Variants in EGFL6 observed in about 807,000 individuals in gnomAD.
The protein encoded by EGFL6 is EGF like domain multiple 6.
A neutral mutation model predicts 43.1 loss-of-function variants in EGFL6; 42 were observed. The observed-to-expected ratio is 0.98, with a 90% CI of 0.76 to 1.26. The LOEUF is 1.26. EGFL6 is among the 50% of genes most tolerant of loss of function. The pLI is 0.00. For synonymous variants in EGFL6, 164 were observed against 163.2 expected (o/e 1.01, Z -0.04); for missense variants, 429 against 427.8 (o/e 1.00, Z -0.02).
At chrX:13,616,858 C>CG (rs2045720841) in intron 7 of EGFL6, among the ~76,000 whole-genome samples, 1 of 97,416 alleles carries the variant, frequency 1.0e-5, no homozygotes. Flanking sequence ...TCTAGAGGTA[C>CG]ATTTTTTTTT....
At chrX:13,596,421 A>C (rs1248633678) in intron 3 of EGFL6, 1 of 112,082 alleles carries the variant, frequency 8.9e-6, no homozygotes, top group African/African-American at 3.2e-5. Context: ...ACCTTCAGTC[A>C]AGGGTATATT....
chrX:13,617,027 G>A (rs908892815), intron 7 of EGFL6, among the ~76,000 whole-genome samples: 6 of 105,746 alleles, frequency 5.7e-5, no homozygotes, highest in African/African-American at 1.1e-4. Flanking sequence ...CCGCCACCGC[G>A]CCCGGCTAAT....
intron 1 of EGFL6, among the ~76,000 whole-genome samples, chrX:13,587,462 G>A (rs2045539802): frequency 9.0e-6 from 1 of 111,333 alleles, no homozygotes; most frequent in African/African-American, 3.3e-5. Flanking sequence ...CAAATACCTT[G>A]AGTATTTACC....
chrX:13,632,503 T>G (rs1248239325), intron 11 of EGFL6, among the ~76,000 whole-genome samples: 46 of 108,454 alleles, frequency 4.2e-4, no homozygotes, highest in African/African-American at 1.5e-3. Flanking sequence ...GGGGTTTCAC[T>G]GTGTGTTAGC....
At chrX:13,623,647 T>G (rs2045762533) in intron 9 of EGFL6, among the ~76,000 whole-genome samples, 177 bp from the exon 10 acceptor site, 1 of 109,324 alleles carries the variant, frequency 9.1e-6, no homozygotes, top group African/African-American at 3.3e-5. Context: ...TTTTTGTTTT[T>G]TTAAGATCAC....
chrX:13,594,738 T>C, intron 2 of EGFL6, 98 bp from the exon 3 acceptor site: 1 of 682,355 alleles, frequency 1.5e-6, no homozygotes, highest in Non-Finnish European at 2.3e-6. Flanking sequence ...TATGTCCCCA[T>C]GGAGTTCTCT....
At chrX:13,612,459 A>G (rs59221471) in intron 7 of EGFL6, among the ~76,000 whole-genome samples, 3,007 of 109,337 alleles carry the variant, frequency 0.028, 114 homozygotes, top group African/African-American at 0.095. Flanking sequence ...CTACACAGAC[A>G]CAGTAACAAT....
chrX:13,601,956 C>A (rs191094345), intron 4 of EGFL6, among the ~76,000 whole-genome samples: 195 of 111,848 alleles, frequency 1.7e-3, no homozygotes, highest in African/African-American at 6.2e-3. Flanking sequence ...AAAAAGATAT[C>A]TTTCCTCAAA....
At chrX:13,621,587 G>A (rs2045748753) in intron 9 of EGFL6, among the ~76,000 whole-genome samples, 1 of 111,881 alleles carries the variant, frequency 8.9e-6, no homozygotes, top group Non-Finnish European at 1.9e-5. Flanking sequence ...GCAAGGAAAT[G>A]GAGGTATCTA....
At position 13,626,948 on chromosome X, in the gene EGFL6, A is replaced by G. The variant is rs900288881; in HGVS notation, c.1286-63A>G. The stretch of plus-strand genomic sequence containing the variant: ...GTTTACTTTTTATAGCTTTTTTTAT[A>G]CATTAAAGCCAAACTCCTTACAATT... On this transcript the variant is annotated intron_variant, in intron 10 of 11. Coordinates refer to ENST00000361306, the MANE Select transcript of EGFL6 (RefSeq NM_015507.4). The G allele has an allele frequency of 2.7e-6, 3 of 1,116,095 alleles. No homozygotes were observed. In the African/African-American group the frequency reaches 5.5e-5, roughly 21 times the overall value. The allele number at this position is 1,116,095 out of a possible 1,213,427, so 92.0% of individuals were successfully genotyped here.
chrX:13,584,205 G>A (rs2045522806), intron 1 of EGFL6, among the ~76,000 whole-genome samples: 1 of 111,589 alleles, frequency 9.0e-6, no homozygotes, highest in African/African-American at 3.3e-5. Context: ...TTCAAACCCA[G>A]GAAGGAGACC....
At chrX:13,621,252 A>T (rs957157777) in intron 9 of EGFL6, among the ~76,000 whole-genome samples, 7 of 112,240 alleles carry the variant, frequency 6.2e-5, no homozygotes, top group African/African-American at 2.3e-4. Flanking sequence ...TTATCAGGCA[A>T]GTTTCCACTG....
chrX:13,593,131 T>A (rs996514456), intron 2 of EGFL6, among the ~76,000 whole-genome samples: 2 of 110,076 alleles, frequency 1.8e-5, no homozygotes, highest in East Asian at 5.7e-4. Flanking sequence ...GCCGGGCTGG[T>A]CTCAAACTCC....
chrX:13,610,464 A>G (rs1167656852), intron 7 of EGFL6, among the ~76,000 whole-genome samples: 1 of 111,583 alleles, frequency 9.0e-6, no homozygotes, highest in Non-Finnish European at 1.9e-5. Flanking sequence ...AGTGTCCAGC[A>G]ACTGGATGCC....
In EGFL6 at chrX:13,632,922, G is replaced by C; in HGVS notation, c.1552-63G>C. 2.9e-6 allele frequency: 3 copies of C among 1,048,007 alleles called. No homozygotes were observed. The East Asian group carries it at 9.2e-5, about 32-fold the overall frequency. The allele number at this position is 1,048,007 out of a possible 1,213,427, so 86.4% of individuals were successfully genotyped here. ...GACACGAGTTAATAGCTATTAAATA[G>C]CTTGATTATATCATTGTTTTGAACA... On this transcript the variant is annotated intron_variant, in intron 11 of 11. Transcript: ENST00000361306.
At chrX:13,605,787 T>A (rs1291131846) in intron 5 of EGFL6, among the ~76,000 whole-genome samples, 1 of 111,892 alleles carries the variant, frequency 8.9e-6, no homozygotes, top group African/African-American at 3.2e-5. Context: ...AACACACCTA[T>A]TGTTGGCTAA....
chrX:13,571,495 C>T (rs2045442672), intron 1 of EGFL6, among the ~76,000 whole-genome samples: 1 of 111,601 alleles, frequency 9.0e-6, no homozygotes, highest in African/African-American at 3.3e-5. Flanking sequence ...GAGGTTCTTG[C>T]GTTGCTAGAA....
intron 9 of EGFL6, 122 bp downstream of exon 9, chrX:13,619,365 A>G (rs2045737578): frequency 1.8e-6 from 1 of 567,805 alleles, no homozygotes; most frequent in East Asian, 3.6e-5. Flanking sequence ...CAAGGGAAAA[A>G]TCATTACATC....
chrX:13,569,724 G>A lies in EGFL6; in HGVS notation c.-138G>A. 1.6e-6 allele frequency: 1 copy of A among 620,991 alleles called. No homozygotes were observed. The highest frequency in any genetic ancestry group is 3.4e-5 in the East Asian group (1 of 29,109). 51.2% of individuals were successfully genotyped at this position (620,991 alleles called of 1,213,427 possible). A position where few individuals can be genotyped will look rare whatever the true frequency, so the allele number is the denominator to read the frequency against. On this transcript the variant is annotated 5_prime_UTR_variant, in exon 1 of 12. Transcript: ENST00000361306. ...CTGGCCTCCCCTCCCAGACTGCAGG[G>A]ACAGCACCCGGTAACTGCGAGTGGA...
Sources: allele counts gnomAD v4.1 joint callset (sites outside exome capture counted in the v4.1 genomes callset), GRCh38; gene constraint gnomAD v4.1.1; transcripts MANE v1.5; gene names NCBI Gene and HGNC (gene_info 2026-07-23, HGNC 2026-07-21).